WWC2: variants seen among roughly 807,000 people sequenced by gnomAD.
The protein encoded by WWC2 is protein WWC2.
A neutral mutation model predicts 138.5 loss-of-function variants in WWC2; 101 were observed. That is an observed-to-expected ratio of 0.73 (90% confidence interval 0.62 to 0.86). WWC2 has a LOEUF of 0.86. Among genes scored for constraint, WWC2 ranks in the 40% least tolerant of loss-of-function variants. WWC2 has a pLI of 0.00. For missense variants in WWC2, 1,420 were observed against 1,419.4 expected, an observed-to-expected ratio of 1.00 and a Z score of -0.01; for synonymous variants, 558 against 538.4, an observed-to-expected ratio of 1.04 and a Z score of -0.50.
At chr4:183,209,632 A>T (rs1382389343) in intron 4 of WWC2, among the ~76,000 whole-genome samples, 1 of 152,166 alleles carries the variant, frequency 6.6e-6, no homozygotes, top group Non-Finnish European at 1.5e-5. Flanking sequence ...TGTCCTCCAG[A>T]GTTAAGCCAA....
intron 14 of WWC2, among the ~76,000 whole-genome samples, chr4:183,268,320 G>A (rs1302433711): frequency 6.6e-6 from 1 of 152,162 alleles, no homozygotes; most frequent in African/African-American, 2.4e-5. Flanking sequence ...CTTTAAGGTA[G>A]TATTAGAAGT....
At chr4:183,158,034 T>C (rs1218759561) in intron 1 of WWC2, among the ~76,000 whole-genome samples, 1 of 152,138 alleles carries the variant, frequency 6.6e-6, no homozygotes, top group African/African-American at 2.4e-5. Flanking sequence ...CTTAGTATTT[T>C]CACATTTAGA....
intron 1 of WWC2, among the ~76,000 whole-genome samples, chr4:183,124,536 C>CTTTTTTTTTTTTTTTTT (rs370409813): frequency 4.1e-5 from 5 of 122,808 alleles, no homozygotes; most frequent in African/African-American, 1.6e-4. Flanking sequence ...TCCTTTTTCT[C>CTTTTTTTTTTTTTTTTT]TTTTTTTTTT....
chr4:183,315,703 C>T lies in WWC2; in HGVS notation c.3553C>T (p.Pro1185Ser). ...AYFTRAKISI[P>S]SLPADDV ...CTTCACCAGAGCAAAGATAAGCATC[C>T]CATCCCTGCCAGCTGATGATGTGTG... Residue 1185 changes from proline to serine, a missense_variant, in exon 23 of 23, where the codon CCA becomes TCA. Pro to Ser is a moderately conservative substitution (Grantham distance 74, BLOSUM62 -1). Transcript: ENST00000403733. 3 of 1,613,328 alleles carry T rather than the reference C, an allele frequency of 1.9e-6. No individual in the cohort carries two copies. Among genetic ancestry groups the T allele is most frequent in the Non-Finnish European group, 2.5e-6 (3 of 1,179,514 alleles).
intron 1 of WWC2, among the ~76,000 whole-genome samples, chr4:183,134,811 T>C (rs1733057575): frequency 6.6e-6 from 1 of 152,224 alleles, no homozygotes; most frequent in Non-Finnish European, 1.5e-5. Context: ...AAATCTATTG[T>C]TTCTATTATT....
At chr4:183,154,950 C>T (rs1300606896) in intron 1 of WWC2, among the ~76,000 whole-genome samples, 1 of 152,312 alleles carries the variant, frequency 6.6e-6, no homozygotes, top group African/African-American at 2.4e-5. Flanking sequence ...GCACTAAATT[C>T]CTTTGACACC....
intron 21 of WWC2, among the ~76,000 whole-genome samples, chr4:183,305,707 A>G (rs1205341554): frequency 1.3e-5 from 2 of 152,150 alleles, no homozygotes; most frequent in African/African-American, 4.8e-5. Flanking sequence ...ATTTTTTCAG[A>G]CAAACAAAAA....
chr4:183,305,098 CTG>C (rs1738980545), intron 21 of WWC2, among the ~76,000 whole-genome samples: 1 of 152,158 alleles, frequency 6.6e-6, no homozygotes, highest in Non-Finnish European at 1.5e-5. Context: ...ATCAAAAACA[CTG>C]TAACAGACAT....
intron 2 of WWC2, among the ~76,000 whole-genome samples, chr4:183,206,297 T>G (rs1181505769): frequency 6.6e-6 from 1 of 152,142 alleles, no homozygotes; most frequent in Non-Finnish European, 1.5e-5. Flanking sequence ...TTTAAAAATC[T>G]CTATTAACCT....
At position 183,207,984 on chromosome 4, in the gene WWC2, A is replaced by G. The variant is rs200133182; in HGVS notation, c.273A>G (p.Gln91=). ...CGCAGATAGAAGATCCAAGAAAACA[A>G]TGGAGGGGGGAACAGGAGAAGATGC... is the stretch of plus-strand genomic sequence containing the variant. ...KTTQIEDPRK[Q]WRGEQEKMLK... The change falls in exon 3 of 23, where the codon CAA becomes CAG. Residue 91 remains glutamine (Q), a synonymous_variant. Coordinates refer to ENST00000403733, the MANE Select transcript of WWC2 (RefSeq NM_024949.6). 178 of 1,612,758 alleles carry G rather than the reference A, an allele frequency of 1.1e-4. 1 individual carries two copies. The highest frequency in any genetic ancestry group is 8.3e-4 in the Middle Eastern group (5 of 6,048).
chr4:183,241,466 G>A (rs1377095719), intron 5 of WWC2, among the ~76,000 whole-genome samples: 4 of 152,178 alleles, frequency 2.6e-5, no homozygotes, highest in Non-Finnish European at 4.4e-5. Context: ...AATTTCACAC[G>A]TGCTGTTATC....
At chr4:183,106,778 A>T (rs1363542150) in intron 1 of WWC2, among the ~76,000 whole-genome samples, 3 of 151,456 alleles carry the variant, frequency 2.0e-5, no homozygotes, top group Non-Finnish European at 4.4e-5. Context: ...TTCATGACTT[A>T]ATAATATTCG....
chr4:183,151,786 T>C (rs1733642020), intron 1 of WWC2, among the ~76,000 whole-genome samples: 1 of 152,338 alleles, frequency 6.6e-6, no homozygotes, highest in East Asian at 1.9e-4. Context: ...GCACCACTTA[T>C]TAAATAGGGA....
intron 15 of WWC2, chr4:183,269,774 C>T (rs1364896439): frequency 5.4e-5 from 12 of 223,192 alleles, no homozygotes; most frequent in South Asian, 3.4e-4. Context: ...TTGGAGCTTT[C>T]GGGAAGATGT....
intron 1 of WWC2, among the ~76,000 whole-genome samples, chr4:183,120,540 T>A (rs1331326665): frequency 6.6e-6 from 1 of 152,230 alleles, no homozygotes; most frequent in Non-Finnish European, 1.5e-5. Context: ...ATTATGTGTA[T>A]ACTGCACTGT....
At chr4:183,279,518 T>C (rs576844266) in intron 16 of WWC2, among the ~76,000 whole-genome samples, 4 of 152,332 alleles carry the variant, frequency 2.6e-5, no homozygotes, top group East Asian at 1.9e-4. Context: ...ATTCCCTCTT[T>C]TTCTATTGAT....
chr4:183,187,606 C>G (rs1449853230), intron 1 of WWC2, among the ~76,000 whole-genome samples: 1 of 136,838 alleles, frequency 7.3e-6, no homozygotes, highest in Non-Finnish European at 1.6e-5. Context: ...TGCGGTGGCT[C>G]ACACCTGTAA....
intron 20 of WWC2, among the ~76,000 whole-genome samples, chr4:183,288,793 A>G (rs1738335717): frequency 6.6e-6 from 1 of 152,246 alleles, no homozygotes; most frequent in Non-Finnish European, 1.5e-5. Flanking sequence ...CAAGGAAGGC[A>G]ACTCAGTTTA....
chr4:183,226,095 CTTTT>C (rs11321151), intron 4 of WWC2, among the ~76,000 whole-genome samples: 9 of 113,520 alleles, frequency 7.9e-5, no homozygotes, highest in African/African-American at 2.8e-4. Context: ...CTTTTCTTTT[CTTTT>C]TTTTTTTTTT....
Sources: allele counts gnomAD v4.1 joint callset (sites outside exome capture counted in the v4.1 genomes callset), GRCh38; gene constraint gnomAD v4.1.1; transcripts MANE v1.5; gene names NCBI Gene and HGNC (gene_info 2026-07-23, HGNC 2026-07-21).